Variants in RASGRF1 observed in about 807,000 individuals in gnomAD.
RASGRF1 encodes Ras protein specific guanine nucleotide releasing factor 1, also known as ras-specific guanine nucleotide-releasing factor 1.
Under a neutral mutation model 138.7 loss-of-function variants are expected in RASGRF1, and 40 were observed. The ratio of observed to expected loss-of-function variants is 0.29; its 90% confidence interval spans 0.22 to 0.38. The LOEUF is 0.38. RASGRF1 is among the 10% of genes least tolerant of loss of function. The probability of loss-of-function intolerance (pLI) is 1.00; values close to 1 mark genes in which losing one functional copy is unlikely to be tolerated. For missense variants in RASGRF1, 1,108 were observed against 1,650.4 expected, an observed-to-expected ratio of 0.67 and a Z score of 5.69; for synonymous variants, 614 against 663.2, an observed-to-expected ratio of 0.93 and a Z score of 1.14.
In RASGRF1 at chr15:78,990,222, A is replaced by G; in HGVS notation, c.3183T>C (p.Pro1061=). The G allele has an allele frequency of 6.2e-7, 1 of 1,609,870 alleles. No individual in the cohort carries two copies. The highest frequency in any genetic ancestry group is 8.5e-7 in the Non-Finnish European group (1 of 1,176,076). The change falls in exon 22 of 27, where the codon CCT becomes CCC. Residue 1061 remains proline, a synonymous_variant. Coordinates refer to ENST00000558480, the MANE Select transcript of RASGRF1 (RefSeq NM_001145648.3). ...AGTGCTTAGTGGTTTTCATGATATA[A>G]GGGGTCCTTTCATTCTTTTCCAGTT... is the stretch of plus-strand genomic sequence containing the variant. The part of the protein sequence containing the change: ...WMKLEKNERT[P]YIMKTTKHFN...
Position 79,032,090 on chromosome 15 carries a change from ACT to A in RASGRF1, c.1152+31_1152+32del. The A allele has an allele frequency of 6.2e-7, 1 of 1,601,614 alleles. No individual in the cohort carries two copies. Among genetic ancestry groups the A allele is most frequent in the South Asian group, 1.1e-5 (1 of 88,994 alleles). ...TCCATCCCCCACACCTGCCTCCCTG[ACT>A]CTACCCCACCCAGGCAGGGCCGGAC... On this transcript the variant is annotated intron_variant, in intron 7 of 26. Transcript: ENST00000558480. The surrounding 1 kb of genome is among the most constrained non-coding windows in gnomAD (Gnocchi z 4.5).
At chr15:79,067,886 CGTCTA>C (rs2057700762) in intron 1 of RASGRF1, among the ~76,000 whole-genome samples, 1 of 152,044 alleles carries the variant, frequency 6.6e-6, no homozygotes, top group Admixed American at 6.6e-5. Context: ...CCAAAGCCCA[CGTCTA>C]GAGAGAGAGG....
intron 26 of RASGRF1, among the ~76,000 whole-genome samples, chr15:78,971,345 T>C (rs1031193757): frequency 3.9e-5 from 6 of 152,176 alleles, no homozygotes; most frequent in Non-Finnish European, 8.8e-5. Flanking sequence ...TCTATTTTAA[T>C]AGGAATGATC....
chr15:78,962,139 C>G lies in RASGRF1; in HGVS notation c.*5G>C, dbSNP rs763184979. The G allele has an allele frequency of 5.8e-6, 9 of 1,545,506 alleles. No individual in the cohort carries two copies. The East Asian group carries it at 1.8e-4, about 32-fold the overall frequency. ...GGAGCAGCTGGGTCTGGGCTGGGCT[C>G]AGCTTCAGGTGGGGAGTTTTGGTTC... On this transcript the variant is annotated 3_prime_UTR_variant, in exon 27 of 27. Coordinates refer to ENST00000558480, the MANE Select transcript of RASGRF1 (RefSeq NM_001145648.3).
At chr15:79,023,986 T>C (rs564914009) in intron 10 of RASGRF1, among the ~76,000 whole-genome samples, 1 of 147,232 alleles carries the variant, frequency 6.8e-6, no homozygotes, top group Admixed American at 6.7e-5. Context: ...CACAAACACA[T>C]ATCTCACACA....
chr15:79,006,102 C>T lies in RASGRF1; in HGVS notation c.2075+84G>A. The T allele has an allele frequency of 1.3e-6, 2 of 1,569,474 alleles. No homozygotes were observed. Among genetic ancestry groups the T allele is most frequent in the South Asian group, 2.4e-5 (2 of 84,902 alleles). On this transcript the variant is annotated intron_variant, in intron 14 of 26. Coordinates refer to ENST00000558480, the MANE Select transcript of RASGRF1 (RefSeq NM_001145648.3). The surrounding 1 kb of genome is among the most constrained non-coding windows in gnomAD (Gnocchi z 4.0). ...CTGCTCCTCCAGGGACCTTCCAGGT[C>T]ACCCCCCGGCCCCGTGCAAGCTCAG...
chr15:79,004,633 C>T (rs932225874), intron 14 of RASGRF1: 15 of 987,722 alleles, frequency 1.5e-5, no homozygotes, highest in East Asian at 2.3e-4. Context: ...CTACTCTAAA[C>T]GCAGGGTCCT....
intron 1 of RASGRF1, among the ~76,000 whole-genome samples, chr15:79,065,990 C>T (rs1235624621): frequency 1.3e-5 from 2 of 151,694 alleles, no homozygotes; most frequent in Admixed American, 6.6e-5. Flanking sequence ...CAATGTCTGT[C>T]TCTTGTTTCC....
rs75223979 is a variant in RASGRF1, at chr15:79,067,057, C to T, written c.277-2531G>A. ...CAGTCTCCTAACAAGCATCCTGCATCTGCTGTCCTCCTGGGATAGGAGACA... is the reference window on the plus strand; with the variant it reads ...CAGTCTCCTAACAAGCATCCTGCATTTGCTGTCCTCCTGGGATAGGAGACA... On this transcript the variant is annotated intron_variant, in intron 1 of 26. Transcript: ENST00000558480. Among the ~76,000 whole-genome samples the T allele has an allele frequency of 2.0e-4, 31 of 152,316 alleles. No individual in the cohort carries two copies. In the East Asian group the frequency reaches 6.0e-3, roughly 29 times the overall value.
chr15:79,082,979 C>T (rs903795864), intron 1 of RASGRF1, among the ~76,000 whole-genome samples: 1 of 152,134 alleles, frequency 6.6e-6, no homozygotes, highest in East Asian at 1.9e-4. Context: ...ACACCTATTG[C>T]GCTGTGCTAG....
At chr15:79,047,884 C>G (rs2057376110) in intron 4 of RASGRF1, among the ~76,000 whole-genome samples, 1 of 152,170 alleles carries the variant, frequency 6.6e-6, no homozygotes, top group Non-Finnish European at 1.5e-5. Context: ...GGACCGCTGT[C>G]TCCAAACAGC....
At chr15:79,024,514 C>T (rs1228944588) in intron 10 of RASGRF1, among the ~76,000 whole-genome samples, 1 of 152,122 alleles carries the variant, frequency 6.6e-6, no homozygotes, top group Non-Finnish European at 1.5e-5. Context: ...CAAATCTCAT[C>T]TTGAATTTTA....
chr15:79,030,545 C>T (rs867857409), intron 8 of RASGRF1, among the ~76,000 whole-genome samples: 2 of 152,330 alleles, frequency 1.3e-5, no homozygotes, highest in African/African-American at 2.4e-5. Flanking sequence ...TTGTCATCTA[C>T]ACTTGGACAT....
At position 79,015,345 on chromosome 15, in the gene RASGRF1, G is replaced by A; in HGVS notation, c.1808C>T (p.Thr603Ile). The A allele has an allele frequency of 6.2e-7, 1 of 1,613,758 alleles. No homozygotes were observed. The highest frequency in any genetic ancestry group is 8.5e-7 in the Non-Finnish European group (1 of 1,179,628). ...MNAFEENSKV[T>I]VPQMIKSDAS... is the part of the protein sequence containing the mutation. ...CACTTACTTGATCATCTGCGGCACA[G>A]TGACCTTGGAATTTTCTTCAAATGC... Residue 603 changes from threonine to isoleucine, a missense_variant, in exon 13 of 27, where the codon ACT (threonine) becomes ATT (isoleucine). Thr to Ile is a moderately conservative substitution (Grantham distance 89). Coordinates refer to ENST00000558480, the MANE Select transcript of RASGRF1 (RefSeq NM_001145648.3).
At chr15:78,986,320 C>G (rs1239837424) in intron 22 of RASGRF1, among the ~76,000 whole-genome samples, 2 of 151,044 alleles carry the variant, frequency 1.3e-5, no homozygotes, top group Admixed American at 6.6e-5. Context: ...AGTGGGCTTT[C>G]TGGTACATTC....
rs542311809 is a variant in RASGRF1, at chr15:79,028,824, T to C, written c.1263-965A>G. On this transcript the variant is annotated intron_variant, in intron 8 of 26. Coordinates refer to ENST00000558480, the MANE Select transcript of RASGRF1 (RefSeq NM_001145648.3). ...ATGTGCGGCTTACAAACTTCTCTCA[T>C]AGACATTATTCAATTTAAACCCCAA... Among the ~76,000 whole-genome samples the C allele has an allele frequency of 9.2e-5, 14 of 152,358 alleles. No individual in the cohort carries two copies. In the South Asian group the frequency reaches 2.3e-3, roughly 25 times the overall value.
chr15:79,001,501 C>A (rs994902761), intron 16 of RASGRF1, among the ~76,000 whole-genome samples, 161 bp downstream of exon 16: 4 of 116,582 alleles, frequency 3.4e-5, no homozygotes, highest in African/African-American at 1.3e-4. Context: ...TGGCGGGGGG[C>A]GGGTGGTGGT....
chr15:78,980,676 G>A lies in RASGRF1; in HGVS notation c.3438C>T (p.Leu1146=), dbSNP rs1306830443. 1 of 1,605,150 alleles carries A rather than the reference G, an allele frequency of 6.2e-7. No homozygotes were observed. The highest frequency in any genetic ancestry group is 8.5e-7 in the Non-Finnish European group (1 of 1,172,610). Residue 1146 remains leucine, a synonymous_variant, in exon 24 of 27, where the codon CTC becomes CTT. Coordinates refer to ENST00000558480, the MANE Select transcript of RASGRF1 (RefSeq NM_001145648.3). ...SKQTKALIDK[L]QKLVSSEGRF... ...TGCCCTCAGATGACACAAGCTTTTG[G>A]AGCTTATCAATCAAAGCTTTAGTCT...
At chr15:79,031,921 C>T (rs914123887) in intron 7 of RASGRF1, among the ~76,000 whole-genome samples, 1 of 152,048 alleles carries the variant, frequency 6.6e-6, no homozygotes, top group African/African-American at 2.4e-5. Context: ...GCTCAGGAGC[C>T]AGGAGAGAAA....
Sources: gnomAD v4.1 joint callset for allele counts (sites outside exome capture counted in the v4.1 genomes callset) on GRCh38, gnomAD v4.1.1 for gene constraint, Gnocchi (gnomAD v3.1) non-coding constraint, MANE v1.5 for transcripts, NCBI Gene and HGNC (gene_info 2026-07-23, HGNC 2026-07-21) for gene names.